Variants in DOK6 observed in about 807,000 individuals in gnomAD.
DOK6 encodes the protein docking protein 6, also known as downstream of tyrosine kinase 6.
DOK6 carries 22 observed loss-of-function variants against 44.0 expected under a neutral mutation model. The ratio of observed to expected loss-of-function variants is 0.50; its 90% confidence interval spans 0.36 to 0.71. DOK6 has a LOEUF of 0.71. Ranked by LOEUF, DOK6 falls within the 30% of genes least tolerant of loss-of-function variation. DOK6 has a pLI of 0.00. For synonymous variants in DOK6, 166 were observed against 145.5 expected (o/e 1.14, Z -1.01); for missense variants, 340 against 416.4 (o/e 0.82, Z 1.60).
Position 69,841,535 on chromosome 18 carries a change from TCTG to T in DOK6, c.*155_*157del. The T allele has an allele frequency of 9.7e-7, 1 of 1,029,236 alleles. No homozygotes were observed. The highest frequency in any genetic ancestry group is 2.9e-5 in the Admixed American group (1 of 34,158). 63.8% of individuals were successfully genotyped at this position (1,029,236 alleles called of 1,614,324 possible). A position where few individuals can be genotyped will look rare whatever the true frequency, so the allele number is the denominator to read the frequency against. On this transcript the variant is annotated 3_prime_UTR_variant, in exon 8 of 8. Coordinates refer to ENST00000382713, the MANE Select transcript of DOK6 (RefSeq NM_152721.6). ...CCATTGGAAGGTTAAAAACTGGAGT[TCTG>T]CTTCCTTGATTCAGTGGCTAAGTCC...
At chr18:69,723,940 G>T (rs73455053) in intron 5 of DOK6, among the ~76,000 whole-genome samples, 1,740 of 152,278 alleles carry the variant, frequency 0.011, 36 homozygotes, top group African/African-American at 0.039. Flanking sequence ...AGGGTATCCT[G>T]TCCACTGCTC....
At chr18:69,830,719 C>A (rs532923461) in intron 7 of DOK6, among the ~76,000 whole-genome samples, 1 of 152,266 alleles carries the variant, frequency 6.6e-6, no homozygotes, top group South Asian at 2.1e-4. Context: ...GAACGTGAAT[C>A]AAGTCTTAAG....
chr18:69,666,638 G>T (rs1985666869), intron 3 of DOK6, among the ~76,000 whole-genome samples: 1 of 152,116 alleles, frequency 6.6e-6, no homozygotes, highest in Non-Finnish European at 1.5e-5. Context: ...CCTATTTATG[G>T]TGTTTTCCAC....
intron 2 of DOK6, among the ~76,000 whole-genome samples, chr18:69,584,627 C>G (rs757534752): frequency 1.3e-5 from 2 of 152,018 alleles, no homozygotes; most frequent in Admixed American, 1.3e-4. Flanking sequence ...AAACCAGACT[C>G]AAATAGCTAA....
intron 1 of DOK6, among the ~76,000 whole-genome samples, chr18:69,456,681 G>C (rs1227108766): frequency 6.6e-6 from 1 of 152,152 alleles, no homozygotes; most frequent in Non-Finnish European, 1.5e-5. Flanking sequence ...TGGGATTGCT[G>C]GGTCAAATGG....
intron 1 of DOK6, among the ~76,000 whole-genome samples, chr18:69,406,610 TACTC>T (rs1916210642): frequency 6.6e-6 from 1 of 152,182 alleles, no homozygotes; most frequent in Admixed American, 6.5e-5. Context: ...ACAAAGATAA[TACTC>T]AGTACTTAAA....
chr18:69,472,527 C>G (rs1319385649), intron 1 of DOK6, among the ~76,000 whole-genome samples: 3 of 152,164 alleles, frequency 2.0e-5, no homozygotes, highest in Non-Finnish European at 4.4e-5. Flanking sequence ...GTGGCTTCCT[C>G]CTCCTGCCAG....
chr18:69,421,259 T>G (rs1325259880), intron 1 of DOK6, among the ~76,000 whole-genome samples: 1 of 152,234 alleles, frequency 6.6e-6, no homozygotes, highest in Non-Finnish European at 1.5e-5. Flanking sequence ...ACATTGTTTT[T>G]GTCTCTGAAA....
intron 3 of DOK6, among the ~76,000 whole-genome samples, chr18:69,653,483 C>T (rs373575158): frequency 6.6e-6 from 1 of 152,056 alleles, no homozygotes; most frequent in Non-Finnish European, 1.5e-5. Context: ...AGAAGCCAAG[C>T]TGAAGGTGGT....
intron 3 of DOK6, among the ~76,000 whole-genome samples, chr18:69,629,789 GTTTGTTTGT>G (rs1984647870): frequency 8.1e-6 from 1 of 122,968 alleles, no homozygotes. Flanking sequence ...GTTTGTTTTT[GTTTGTTTGT>G]TTGTTTGTTT....
At chr18:69,655,564 G>T (rs1414332885) in intron 3 of DOK6, among the ~76,000 whole-genome samples, 1 of 151,604 alleles carries the variant, frequency 6.6e-6, no homozygotes, top group Non-Finnish European at 1.5e-5. Flanking sequence ...ACCACCCTGG[G>T]CAACATGGTG....
At chr18:69,609,444 T>C (rs1414162783) in intron 3 of DOK6, among the ~76,000 whole-genome samples, 1 of 150,454 alleles carries the variant, frequency 6.6e-6, no homozygotes, top group African/African-American at 2.4e-5. Flanking sequence ...ACAATGAGTA[T>C]TATGAAAATG....
chr18:69,658,835 T>A (rs889417615), intron 3 of DOK6, among the ~76,000 whole-genome samples: 3 of 152,186 alleles, frequency 2.0e-5, no homozygotes, highest in Non-Finnish European at 4.4e-5. Flanking sequence ...AATTCATTCC[T>A]CTCAATATTC....
At chr18:69,701,335 C>A (rs1986515354) in intron 5 of DOK6, among the ~76,000 whole-genome samples, 1 of 152,218 alleles carries the variant, frequency 6.6e-6, no homozygotes, top group Non-Finnish European at 1.5e-5. Flanking sequence ...GCTCTTTTAC[C>A]ATAAGGATCA....
chr18:69,459,187 TTGTGTGTGTGTGTGTG>T (rs71176967), intron 1 of DOK6, among the ~76,000 whole-genome samples: 15 of 136,970 alleles, frequency 1.1e-4, no homozygotes, highest in African/African-American at 2.8e-4. Flanking sequence ...AAAAAATATT[TTGTGTGTGTGTGTGTG>T]TGTGTGTGTG....
intron 3 of DOK6, among the ~76,000 whole-genome samples, chr18:69,656,938 C>T (rs1381803743): frequency 6.6e-6 from 1 of 152,128 alleles, no homozygotes; most frequent in Admixed American, 6.5e-5. Flanking sequence ...ACTCTAACAA[C>T]CCTCCAGGTA....
chr18:69,493,941 A>G (rs1433593320), intron 1 of DOK6, among the ~76,000 whole-genome samples: 1 of 152,332 alleles, frequency 6.6e-6, no homozygotes, highest in Middle Eastern at 3.4e-3. Context: ...ACACATAATC[A>G]TGCATTCAGA....
chr18:69,741,187 C>T lies in DOK6; in HGVS notation c.738+2084C>T, dbSNP rs181592316. 7.0e-3 allele frequency among the ~76,000 whole-genome samples: 1,059 copies of T among 152,278 alleles called. 27 individuals carry two copies. Among genetic ancestry groups the T allele is most frequent in the Non-Finnish European group, 7.4e-3 (506 of 68,014 alleles). On this transcript the variant is annotated intron_variant, in intron 6 of 7. Transcript: ENST00000382713. ...AAACAGCAGGCTCAGCAAGGCTCAA[C>T]AGAGAAACAAAATGTTTCTAGAAAT... is the stretch of plus-strand genomic sequence containing the variant.
At chr18:69,626,602 T>A (rs1384791178) in intron 3 of DOK6, among the ~76,000 whole-genome samples, 1 of 152,184 alleles carries the variant, frequency 6.6e-6, no homozygotes, top group African/African-American at 2.4e-5. Context: ...GTTTAATAAC[T>A]TCCTGATAAA....
Sources: gnomAD v4.1 joint callset for allele counts (sites outside exome capture counted in the v4.1 genomes callset) on GRCh38, gnomAD v4.1.1 for gene constraint, MANE v1.5 for transcripts, NCBI Gene and HGNC (gene_info 2026-07-23, HGNC 2026-07-21) for gene names.